Variants in ULK4 observed in about 807,000 individuals in gnomAD.
The protein encoded by ULK4 is inactive serine/threonine-protein kinase ULK4.
In ULK4, 133 loss-of-function variants were observed where a neutral mutation model predicts 160.6. The observed-to-expected ratio is 0.83, with a 90% CI of 0.72 to 0.96. The LOEUF (loss-of-function observed/expected upper bound fraction) is 0.96. ULK4 is among the 40% of genes least tolerant of loss of function. The pLI, the probability that ULK4 is intolerant of heterozygous loss-of-function variation, is 0.00. For missense variants in ULK4, 1,580 were observed against 1,499.5 expected (o/e 1.05, Z -0.89); for synonymous variants, 534 against 539.8 (o/e 0.99, Z 0.15).
chr3:41,671,576 T>C (rs2035538576), intron 29 of ULK4, among the ~76,000 whole-genome samples: 1 of 152,102 alleles, frequency 6.6e-6, no homozygotes, highest in African/African-American at 2.4e-5. Context: ...TCTCATCATA[T>C]ATAATCACAA....
chr3:41,907,633 T>C (rs994000034), intron 12 of ULK4, among the ~76,000 whole-genome samples: 1 of 152,156 alleles, frequency 6.6e-6, no homozygotes, highest in African/African-American at 2.4e-5. Context: ...GTATGTCAAC[T>C]GTACCTCAAG....
chr3:41,304,859 C>T lies in ULK4; in HGVS notation c.3679-55285G>A, dbSNP rs145760861. On this transcript the variant is annotated intron_variant, in intron 35 of 36. Coordinates refer to ENST00000301831, the MANE Select transcript of ULK4 (RefSeq NM_017886.4). ...GTGTCAAAGTGTGGAATGAGGCAGT[C>T]TGACAGGGAGAGCTGAGATCTCCTG... Among the ~76,000 whole-genome samples, 78 of 152,326 alleles carry T rather than the reference C, an allele frequency of 5.1e-4. 1 individual carries two copies. In the East Asian group the frequency reaches 0.015, roughly 29 times the overall value.
chr3:41,413,357 T>C (rs544578376), intron 34 of ULK4, among the ~76,000 whole-genome samples: 2 of 152,248 alleles, frequency 1.3e-5, no homozygotes, highest in East Asian at 3.9e-4. Flanking sequence ...ATAAAATTTC[T>C]AAGAGAAAAC....
At chr3:41,423,978 C>T (rs758081998) in intron 34 of ULK4, among the ~76,000 whole-genome samples, 33 of 152,186 alleles carry the variant, frequency 2.2e-4, no homozygotes, top group African/African-American at 6.3e-4. Flanking sequence ...CCTAAGATTA[C>T]GGAGTTCTTG....
At chr3:41,744,176 T>A (rs2038339922) in intron 22 of ULK4, among the ~76,000 whole-genome samples, 1 of 151,778 alleles carries the variant, frequency 6.6e-6, no homozygotes, top group South Asian at 2.1e-4. Context: ...AAATAAGGAA[T>A]AAAATGTCAG....
intron 25 of ULK4, among the ~76,000 whole-genome samples, chr3:41,706,900 T>TATAGAGAGAG (rs369390361): frequency 4.0e-4 from 54 of 136,430 alleles, no homozygotes; most frequent in African/African-American, 1.6e-3. Flanking sequence ...TATATATATA[T>TATAGAGAGAG]AGAGAGAGAG....
At position 41,771,440 on chromosome 3, in the gene ULK4, C is replaced by A. The variant is rs540725719; in HGVS notation, c.2194-16952G>T. On this transcript the variant is annotated intron_variant, in intron 21 of 36. Transcript: ENST00000301831. ...TAGAATTACAAATGATGGCAAAACTCAGTAAATGTAAATTTATGATTTGTA... is the reference window on the plus strand; with the variant it reads ...TAGAATTACAAATGATGGCAAAACTAAGTAAATGTAAATTTATGATTTGTA... Among the ~76,000 whole-genome samples the A allele has an allele frequency of 3.3e-5, 5 of 152,172 alleles. No homozygotes were observed. In the East Asian group the frequency reaches 9.6e-4, roughly 29 times the overall value.
At chr3:41,563,927 G>C (rs768855616) in intron 32 of ULK4, among the ~76,000 whole-genome samples, 6 of 152,148 alleles carry the variant, frequency 3.9e-5, no homozygotes, top group Admixed American at 1.3e-4. Flanking sequence ...CGATCCTTTG[G>C]AGGAGAAAAG....
At position 41,484,458 on chromosome 3, in the gene ULK4, C is replaced by CTT. The variant is rs369059587; in HGVS notation, c.3227-21207_3227-21206dup. On this transcript the variant is annotated intron_variant, in intron 32 of 36. Coordinates refer to ENST00000301831, the MANE Select transcript of ULK4 (RefSeq NM_017886.4). ...GAGTGACTTTTTTTTCTTTCTTTTC[C>CTT]TTTTTTTGTTTTGAGATGGAGTCTC... Among the ~76,000 whole-genome samples, 15 of 134,866 alleles carry CTT rather than the reference C, an allele frequency of 1.1e-4. 1 individual carries two copies. Among genetic ancestry groups the CTT allele is most frequent in the Admixed American group, 8.4e-4 (11 of 13,082 alleles). 88.5% of individuals were successfully genotyped at this position (134,866 alleles called of 152,430 possible). A position where few individuals can be genotyped will look rare whatever the true frequency, so the allele number is the denominator to read the frequency against.
At chr3:41,875,286 C>T (rs1338545856) in intron 17 of ULK4, among the ~76,000 whole-genome samples, 3 of 152,118 alleles carry the variant, frequency 2.0e-5, no homozygotes, top group Non-Finnish European at 4.4e-5. Flanking sequence ...GGTGTGATAG[C>T]TCACGCTGGT....
chr3:41,850,865 A>G (rs1028587372), intron 17 of ULK4, among the ~76,000 whole-genome samples: 9 of 152,142 alleles, frequency 5.9e-5, no homozygotes, highest in African/African-American at 1.9e-4. Context: ...TTGGTGTCCT[A>G]GACATGAAGT....
chr3:41,639,140 G>A (rs1008143540), intron 30 of ULK4, among the ~76,000 whole-genome samples: 3 of 152,134 alleles, frequency 2.0e-5, no homozygotes, highest in Non-Finnish European at 4.4e-5. Flanking sequence ...ATTAGGATAC[G>A]ATCGGCTGAT....
chr3:41,472,377 T>C (rs948569817), intron 32 of ULK4, among the ~76,000 whole-genome samples: 4 of 152,040 alleles, frequency 2.6e-5, no homozygotes, highest in Admixed American at 6.5e-5. Context: ...AAAACCAGCC[T>C]GGCCAATATG....
At chr3:41,712,818 G>A (rs554989554) in intron 25 of ULK4, among the ~76,000 whole-genome samples, 2 of 152,208 alleles carry the variant, frequency 1.3e-5, no homozygotes, top group Non-Finnish European at 2.9e-5. Flanking sequence ...CTTGCGCCTG[G>A]GAGGCGGAGG....
At chr3:41,920,783 T>G (rs1184251322) in intron 5 of ULK4, among the ~76,000 whole-genome samples, 1 of 152,114 alleles carries the variant, frequency 6.6e-6, no homozygotes, top group Non-Finnish European at 1.5e-5. Context: ...TGTGCCCTGA[T>G]GCGTGACTGT....
intron 35 of ULK4, among the ~76,000 whole-genome samples, chr3:41,347,760 C>T (rs2080829755): frequency 6.6e-6 from 1 of 152,132 alleles, no homozygotes; most frequent in Admixed American, 6.6e-5. Flanking sequence ...ACTTCTTATC[C>T]CACATCGTGT....
intron 35 of ULK4, among the ~76,000 whole-genome samples, chr3:41,285,602 G>T (rs1254196673): frequency 6.6e-6 from 1 of 152,168 alleles, no homozygotes; most frequent in Non-Finnish European, 1.5e-5. Context: ...AAGGGTGAGA[G>T]GGAGGCGAGT....
intron 35 of ULK4, among the ~76,000 whole-genome samples, chr3:41,278,606 C>A (rs1004209081): frequency 5.3e-5 from 8 of 152,146 alleles, no homozygotes; most frequent in African/African-American, 1.9e-4. Flanking sequence ...GAGGAAGGAT[C>A]AGGTAGCAAT....
intron 34 of ULK4, among the ~76,000 whole-genome samples, chr3:41,412,486 G>T (rs2082427427): frequency 6.7e-6 from 1 of 149,786 alleles, no homozygotes; most frequent in African/African-American, 2.5e-5. Context: ...AAGCAAATCT[G>T]AGGAGGAGCC....
Sources: allele counts gnomAD v4.1 joint callset (sites outside exome capture counted in the v4.1 genomes callset), GRCh38; gene constraint gnomAD v4.1.1; transcripts MANE v1.5; gene names NCBI Gene and HGNC (gene_info 2026-07-23, HGNC 2026-07-21).